The following OSBPL6 variants were observed in gnomAD, a reference collection of about 807,000 sequenced individuals.
OSBPL6 encodes the protein oxysterol-binding protein-related protein 6.
Under a neutral mutation model 125.8 loss-of-function variants are expected in OSBPL6, and 49 were observed. The observed-to-expected ratio is 0.39, with a 90% CI of 0.31 to 0.49. The LOEUF (loss-of-function observed/expected upper bound fraction) is 0.49, where lower values mean the gene tolerates loss of function less well. Among genes scored for constraint, OSBPL6 ranks in the 20% least tolerant of loss-of-function variants. The pLI, the probability that OSBPL6 is intolerant of heterozygous loss-of-function variation, is 0.88. For synonymous variants in OSBPL6, 394 were observed against 391.8 expected (o/e 1.01, Z -0.07); for missense variants, 986 against 1,135.4 (o/e 0.87, Z 1.89).
intron 1 of OSBPL6, among the ~76,000 whole-genome samples, chr2:178,274,735 T>C (rs1559189252): frequency 6.6e-6 from 1 of 152,216 alleles, no homozygotes; most frequent in African/African-American, 2.4e-5. Context: ...ATTTAAGAAA[T>C]TTCAAACCAA....
chr2:178,285,224 T>A, intron 2 of OSBPL6, 103 bp downstream of exon 2: 1 of 395,942 alleles, frequency 2.5e-6, no homozygotes, highest in East Asian at 3.6e-5. Flanking sequence ...CACAGGAAGG[T>A]GTTTCTTTAT....
Position 178,400,252 on chromosome 2 carries a change from C to A in OSBPL6, c.*4693C>A, listed in dbSNP as rs1460307640. 1 of 136,332 alleles carries A rather than the reference C, an allele frequency of 7.3e-6. No individual in the cohort carries two copies. The highest frequency in any genetic ancestry group is 1.6e-5 in the Non-Finnish European group (1 of 61,940). The allele number at this position is 136,332 out of a possible 1,614,324, so 8.4% of individuals were successfully genotyped here. On this transcript the variant is annotated 3_prime_UTR_variant, in exon 25 of 25. Transcript: ENST00000190611. The stretch of plus-strand genomic sequence containing the variant: ...TAGAATTTTTTTGTCTTTTCAAGTT[C>A]TTTTTTTGTTAATTTTATTGATATT...
intron 1 of OSBPL6, among the ~76,000 whole-genome samples, chr2:178,257,843 C>T (rs975767358): frequency 2.7e-5 from 4 of 150,634 alleles, no homozygotes; most frequent in African/African-American, 9.8e-5. Flanking sequence ...TTTTTGAGAC[C>T]GGAGTGCAGT....
At chr2:178,340,317 T>A (rs1162385247) in intron 11 of OSBPL6, among the ~76,000 whole-genome samples, 2 of 152,148 alleles carry the variant, frequency 1.3e-5, no homozygotes, top group Admixed American at 1.3e-4. Flanking sequence ...TAGAGTTTAT[T>A]TAATAAGCTC....
chr2:178,240,281 A>C (rs538666883), intron 1 of OSBPL6, among the ~76,000 whole-genome samples: 6 of 152,264 alleles, frequency 3.9e-5, no homozygotes, highest in Non-Finnish European at 7.4e-5. Context: ...ACAATTAAAA[A>C]TAAGTCTGGG....
intron 1 of OSBPL6, among the ~76,000 whole-genome samples, chr2:178,248,099 A>G (rs1376194608): frequency 1.3e-5 from 2 of 152,248 alleles, no homozygotes; most frequent in East Asian, 1.9e-4. Context: ...CCCTACTTGT[A>G]GATACAAAAC....
At chr2:178,289,473 G>T (rs1224836292) in intron 2 of OSBPL6, among the ~76,000 whole-genome samples, 1 of 152,138 alleles carries the variant, frequency 6.6e-6, no homozygotes. Flanking sequence ...TAGACATCAT[G>T]TCATATCCAC....
intron 2 of OSBPL6, among the ~76,000 whole-genome samples, chr2:178,289,581 A>G (rs1484808958): frequency 3.3e-5 from 5 of 152,208 alleles, no homozygotes; most frequent in African/African-American, 1.2e-4. Flanking sequence ...CTTCTTTGGT[A>G]TCATTTACTA....
chr2:178,196,272 ATTC>A (rs760215157), intron 1 of OSBPL6, among the ~76,000 whole-genome samples: 3 of 152,170 alleles, frequency 2.0e-5, no homozygotes, highest in Non-Finnish European at 2.9e-5. Context: ...TATTATTATT[ATTC>A]TTTTGCAGTA....
At chr2:178,198,841 T>C (rs963807571) in intron 1 of OSBPL6, among the ~76,000 whole-genome samples, 1 of 152,144 alleles carries the variant, frequency 6.6e-6, no homozygotes, top group Non-Finnish European at 1.5e-5. Flanking sequence ...GTTAGGGAGT[T>C]GTTGTTATAG....
intron 1 of OSBPL6, among the ~76,000 whole-genome samples, chr2:178,229,495 C>G (rs953467448): frequency 2.6e-5 from 4 of 152,160 alleles, no homozygotes; most frequent in East Asian, 3.8e-4. Context: ...TTCCCTACCC[C>G]CAGACCAGCA....
chr2:178,387,792 C>T (rs1029969372), intron 20 of OSBPL6, among the ~76,000 whole-genome samples: 2 of 152,112 alleles, frequency 1.3e-5, no homozygotes, highest in Non-Finnish European at 2.9e-5. Flanking sequence ...ATCACAAGGT[C>T]AGGAGATTGA....
Position 178,252,805 on chromosome 2 carries a change from C to T in OSBPL6, c.-350-32122C>T, listed in dbSNP as rs528293200. ...TTTCCTTCCTGGCTTGATGAAATAA[C>T]TTCATGATACAACCCCATTTTAGAA... On this transcript the variant is annotated intron_variant, in intron 1 of 24. Transcript: ENST00000190611. 2.0e-5 allele frequency among the ~76,000 whole-genome samples: 3 copies of T among 152,262 alleles called. No homozygotes were observed. The South Asian group carries it at 6.2e-4, about 32-fold the overall frequency.
At chr2:178,331,504 A>G (rs779242354) in intron 5 of OSBPL6, 48 bp from the exon 6 acceptor site, 7 of 1,588,508 alleles carry the variant, frequency 4.4e-6, no homozygotes, top group Non-Finnish European at 5.2e-6. Context: ...TGAATGTTTT[A>G]TGTAATTCAA....
intron 1 of OSBPL6, among the ~76,000 whole-genome samples, chr2:178,280,485 C>G (rs1354761689): frequency 6.6e-6 from 1 of 152,150 alleles, no homozygotes; most frequent in Non-Finnish European, 1.5e-5. Flanking sequence ...ATAGCGGGTA[C>G]TACACTTCAT....
In OSBPL6 at chr2:178,374,007, G is replaced by C. The variant is rs1036164130; in HGVS notation, c.1513G>C (p.Ala505Pro). 4.3e-6 allele frequency: 7 copies of C among 1,614,052 alleles called. No individual in the cohort carries two copies. Among genetic ancestry groups the C allele is most frequent in the Admixed American group, 3.3e-5 (2 of 60,012 alleles). ...TGATGCCCAAGAGGTGCTCCTCTCT[G>C]CAAGTTCGTCAGAGAATGAGGTATG... is the stretch of plus-strand genomic sequence containing the variant. Reference protein sequence around the residue: ...FFDAQEVLLSASSSENEASDD... With the variant: ...FFDAQEVLLSPSSSENEASDD... Residue 505 changes from alanine (A) to proline (P), a missense_variant, in exon 15 of 25, where the codon GCA (alanine) becomes CCA (proline). By Grantham distance (27) the Ala-to-Pro change is conservative. Around this residue, in one of 3 missense-constraint regions of OSBPL6, gnomAD observed 843 missense variants for 997.3 expected, o/e 0.85. Coordinates refer to ENST00000190611, the MANE Select transcript of OSBPL6 (RefSeq NM_032523.4).
At chr2:178,349,100 T>G in intron 11 of OSBPL6, 124 bp from the exon 12 acceptor site, 2 of 1,003,112 alleles carry the variant, frequency 2.0e-6, no homozygotes, top group Non-Finnish European at 3.1e-6. Context: ...GAGTACTGAG[T>G]GTCTCCAAGT....
intron 3 of OSBPL6, among the ~76,000 whole-genome samples, chr2:178,319,815 C>A (rs114460476): frequency 2.6e-5 from 4 of 152,202 alleles, no homozygotes; most frequent in Non-Finnish European, 5.9e-5. Context: ...GCTTGAAGAA[C>A]GTACTTTAGA....
intron 1 of OSBPL6, among the ~76,000 whole-genome samples, chr2:178,214,952 TAAAC>T (rs147854575): frequency 0.04 from 6,150 of 152,202 alleles, 165 homozygotes; most frequent in Middle Eastern, 0.11. Context: ...ACCATGTCTC[TAAAC>T]AAACAAAAAC....
Sources: gnomAD v4.1 joint callset for allele counts (sites outside exome capture counted in the v4.1 genomes callset) on GRCh38, gnomAD v4.1.1 for gene constraint, gnomAD v4.1.1 regional missense constraint, MANE v1.5 for transcripts, NCBI Gene and HGNC (gene_info 2026-07-23, HGNC 2026-07-21) for gene names.